STXBP5L: variants seen among roughly 807,000 people sequenced by gnomAD.
The protein encoded by STXBP5L is syntaxin-binding protein 5-like.
In STXBP5L, 65 loss-of-function variants were observed where a neutral mutation model predicts 144.5. The ratio of observed to expected loss-of-function variants is 0.45; its 90% CI spans 0.37 to 0.55. The LOEUF (loss-of-function observed/expected upper bound fraction) is 0.55. Ranked by LOEUF, STXBP5L falls within the 20% of genes least tolerant of loss-of-function variation. The pLI is 0.00. For missense variants in STXBP5L, 1,298 were observed against 1,405.5 expected (o/e 0.92, Z 1.22); for synonymous variants, 505 against 469.6 (o/e 1.08, Z -0.97).
intron 3 of STXBP5L, among the ~76,000 whole-genome samples, chr3:121,006,571 G>A (rs1340480501): frequency 6.6e-6 from 1 of 152,154 alleles, no homozygotes; most frequent in African/African-American, 2.4e-5. Context: ...ATATTGTTAT[G>A]TATGAATTTG....
chr3:120,973,048 C>A (rs1000874662), intron 3 of STXBP5L, among the ~76,000 whole-genome samples: 1 of 151,942 alleles, frequency 6.6e-6, no homozygotes, highest in Non-Finnish European at 1.5e-5. Flanking sequence ...TGTTGTGTGT[C>A]CCTGCCTGGC....
chr3:121,369,849 G>A (rs1315855873), intron 20 of STXBP5L, among the ~76,000 whole-genome samples: 1 of 152,066 alleles, frequency 6.6e-6, no homozygotes, highest in Admixed American at 6.6e-5. Flanking sequence ...TCTTTGCTGG[G>A]TTTCTCTGCA....
chr3:121,045,328 A>G (rs1947438683), intron 4 of STXBP5L, 107 bp from the exon 5 acceptor site: 3 of 966,240 alleles, frequency 3.1e-6, no homozygotes, highest in Non-Finnish European at 3.0e-6. Context: ...TGAGATAACA[A>G]AAGTAACTCT....
intron 19 of STXBP5L, 68 bp from the exon 20 acceptor site, chr3:121,318,406 AT>A: frequency 2.4e-6 from 3 of 1,231,116 alleles, no homozygotes; most frequent in Non-Finnish European, 3.4e-6. Context: ...ACTTGTAGGA[AT>A]TAAGAAATAA....
At chr3:121,128,096 G>A (rs2044795205) in intron 7 of STXBP5L, among the ~76,000 whole-genome samples, 1 of 152,088 alleles carries the variant, frequency 6.6e-6, no homozygotes, top group South Asian at 2.1e-4. Flanking sequence ...TTGAGGATAT[G>A]ACTAATACTG....
At chr3:121,009,281 C>T (rs551718477) in intron 3 of STXBP5L, among the ~76,000 whole-genome samples, 1 of 152,098 alleles carries the variant, frequency 6.6e-6, no homozygotes, top group South Asian at 2.1e-4. Context: ...TGCATGCACT[C>T]CCCTAGATTC....
At chr3:120,974,449 G>C (rs1021878177) in intron 3 of STXBP5L, among the ~76,000 whole-genome samples, 2 of 148,642 alleles carry the variant, frequency 1.3e-5, no homozygotes, top group Non-Finnish European at 2.9e-5. Flanking sequence ...TTAGCCCTTT[G>C]TCAGATGAGT....
At chr3:121,381,837 T>C (rs74466045) in intron 22 of STXBP5L, among the ~76,000 whole-genome samples, 19,294 of 152,120 alleles carry the variant, frequency 0.13, 1,366 homozygotes, top group Middle Eastern at 0.18. Context: ...CTTAAATTTA[T>C]TTTTAACAAA....
At chr3:121,333,691 G>A (rs2044404322) in intron 20 of STXBP5L, among the ~76,000 whole-genome samples, 1 of 151,864 alleles carries the variant, frequency 6.6e-6, no homozygotes, top group African/African-American at 2.4e-5. Context: ...AACAAAGGGA[G>A]GTTACCACTG....
intron 5 of STXBP5L, among the ~76,000 whole-genome samples, chr3:121,064,264 G>A (rs1173237570): frequency 2.6e-5 from 4 of 152,118 alleles, no homozygotes; most frequent in African/African-American, 4.8e-5. Flanking sequence ...GTGAGGCAAC[G>A]CCCCACCCTG....
chr3:121,213,770 A>C (rs188942875), intron 10 of STXBP5L, among the ~76,000 whole-genome samples: 1 of 152,140 alleles, frequency 6.6e-6, no homozygotes, highest in East Asian at 1.9e-4. Flanking sequence ...ATTGTTTGGA[A>C]TAGTTTCAGA....
intron 7 of STXBP5L, among the ~76,000 whole-genome samples, chr3:121,139,010 CAT>C (rs763663111): frequency 1.1e-4 from 17 of 151,896 alleles, no homozygotes; most frequent in Admixed American, 2.0e-4. Context: ...TGTTCTTACT[CAT>C]ATTGGAGGGT....
chr3:120,958,101 A>G (rs1421034981), intron 3 of STXBP5L, among the ~76,000 whole-genome samples: 2 of 152,208 alleles, frequency 1.3e-5, no homozygotes, highest in Admixed American at 1.3e-4. Flanking sequence ...GCAGAAATAC[A>G]AACTACCATC....
chr3:121,391,912 G>T (rs1215720281), intron 22 of STXBP5L, among the ~76,000 whole-genome samples: 3 of 152,218 alleles, frequency 2.0e-5, no homozygotes, highest in Non-Finnish European at 4.4e-5. Flanking sequence ...CAAACACCAT[G>T]CTGGGAGAAC....
At chr3:121,012,521 C>G (rs2108143787) in intron 3 of STXBP5L, among the ~76,000 whole-genome samples, 1 of 151,878 alleles carries the variant, frequency 6.6e-6, no homozygotes, top group East Asian at 1.9e-4. Flanking sequence ...ATATAGCCAT[C>G]TTAGTGGCTG....
At chr3:120,913,838 C>A (rs931668514) in intron 2 of STXBP5L, among the ~76,000 whole-genome samples, 3 of 151,870 alleles carry the variant, frequency 2.0e-5, no homozygotes, top group Non-Finnish European at 4.4e-5. Context: ...TGGTGCCTGG[C>A]CCATTGAAGG....
intron 20 of STXBP5L, among the ~76,000 whole-genome samples, chr3:121,340,407 T>C (rs982558099): frequency 2.6e-5 from 4 of 152,122 alleles, no homozygotes; most frequent in African/African-American, 7.2e-5. Context: ...GGTATACATG[T>C]GCCCAAGTTG....
intron 21 of STXBP5L, among the ~76,000 whole-genome samples, chr3:121,380,593 G>T (rs1480634067): frequency 6.8e-6 from 1 of 146,030 alleles, no homozygotes; most frequent in Non-Finnish European, 1.5e-5. Flanking sequence ...AAACCATCCT[G>T]TTTTTTTTTT....
intron 5 of STXBP5L, among the ~76,000 whole-genome samples, chr3:121,111,257 C>T (rs1280007575): frequency 1.3e-5 from 2 of 152,126 alleles, no homozygotes; most frequent in African/African-American, 2.4e-5. Flanking sequence ...TCATTTCAGC[C>T]CTGCCCAGTT....
Sources: gnomAD v4.1 joint callset for allele counts (sites outside exome capture counted in the v4.1 genomes callset) on GRCh38, gnomAD v4.1.1 for gene constraint, MANE v1.5 for transcripts, NCBI Gene and HGNC (gene_info 2026-07-23, HGNC 2026-07-21) for gene names.